DYM: variants seen among roughly 807,000 people sequenced by gnomAD.
The protein encoded by DYM is dyggve-Melchior-Clausen syndrome protein.
DYM carries 78 observed loss-of-function variants against 93.1 expected under a neutral mutation model. The ratio of observed to expected loss-of-function variants is 0.84; its 90% CI spans 0.70 to 1.01. DYM has a LOEUF of 1.01. Ranked by LOEUF, DYM falls within the 50% of genes least tolerant of loss-of-function variation. The pLI is 0.00. For synonymous variants in DYM, 321 were observed against 319.7 expected (o/e 1.00, Z -0.04); for missense variants, 789 against 845.0 (o/e 0.93, Z 0.82).
intron 6 of DYM, among the ~76,000 whole-genome samples, chr18:49,334,123 T>A (rs1212626515): frequency 1.3e-5 from 2 of 152,246 alleles, no homozygotes; most frequent in Non-Finnish European, 2.9e-5. Flanking sequence ...TATTTATGTA[T>A]AATGGAAATA....
Position 49,257,566 on chromosome 18 carries a change from G to A in DYM, c.1366-462C>T, listed in dbSNP as rs530376207. On this transcript the variant is annotated intron_variant, in intron 12 of 17. Coordinates refer to ENST00000675505, the MANE Select transcript of DYM (RefSeq NM_001353214.3). ...ATAACTGAAAATGGGCTGGGAGTAG[G>A]GGCTCACGCCTGTAATCCCAACACT... is the stretch of plus-strand genomic sequence containing the variant. 2.8e-3 allele frequency among the ~76,000 whole-genome samples: 426 copies of A among 152,204 alleles called. 1 individual carries two copies. The highest frequency in any genetic ancestry group is 5.1e-3 in the Admixed American group (78 of 15,286).
At position 49,423,187 on chromosome 18, in the gene DYM, A is replaced by T. The variant is rs552584070; in HGVS notation, c.140+7068T>A. Among the ~76,000 whole-genome samples, 7 of 152,338 alleles carry T rather than the reference A, an allele frequency of 4.6e-5. No individual in the cohort carries two copies. In the South Asian group the frequency reaches 1.5e-3, roughly 32 times the overall value. ...AATGTAAAAGAACAGAAATTATAAC[A>T]AACTGTCTCTCAGACCACAGTGCAA... is the stretch of plus-strand genomic sequence containing the variant. On this transcript the variant is annotated intron_variant, in intron 2 of 17. Transcript: ENST00000675505.
intron 5 of DYM, among the ~76,000 whole-genome samples, chr18:49,373,000 C>T (rs2067186737): frequency 6.6e-6 from 1 of 152,076 alleles, no homozygotes; most frequent in African/African-American, 2.4e-5. Context: ...AAAAACCTTG[C>T]TTCTCAAGCT....
At chr18:49,072,609 G>C (rs1568373728) in intron 17 of DYM, among the ~76,000 whole-genome samples, 1 of 152,234 alleles carries the variant, frequency 6.6e-6, no homozygotes, top group Non-Finnish European at 1.5e-5. Context: ...GTTTGGCAAC[G>C]TGAGAAACCC....
chr18:49,233,472 T>C (rs2093771071), intron 13 of DYM, among the ~76,000 whole-genome samples: 1 of 152,176 alleles, frequency 6.6e-6, no homozygotes, highest in Admixed American at 6.5e-5. Context: ...TATAAAATCT[T>C]TGTGTTCAGA....
intron 13 of DYM, among the ~76,000 whole-genome samples, chr18:49,229,722 T>C (rs1428470650): frequency 6.6e-6 from 1 of 152,124 alleles, no homozygotes; most frequent in Non-Finnish European, 1.5e-5. Context: ...TCTTATAAAG[T>C]TAAACATACA....
rs964864593 is a variant in DYM, at chr18:49,389,630, G to A, written c.193+1963C>T. On this transcript the variant is annotated intron_variant, in intron 3 of 17. Transcript: ENST00000675505. ...TCCTACCTCAATCTCGCAAGCAGCT[G>A]AGACTACAGGCACATGCCACCATGC... Among the ~76,000 whole-genome samples the A allele has an allele frequency of 2.0e-5, 3 of 152,116 alleles. 1 individual carries two copies. The highest frequency in any genetic ancestry group is 7.2e-5 in the African/African-American group (3 of 41,408).
rs192416244 is a variant in DYM, at chr18:49,194,526, T to A, written c.1625+15025A>T. On this transcript the variant is annotated intron_variant, in intron 14 of 17. Coordinates refer to ENST00000675505, the MANE Select transcript of DYM (RefSeq NM_001353214.3). The stretch of plus-strand genomic sequence containing the variant: ...TCCATATGCCAAAATTCTCATGACA[T>A]CCTTCTTACAGATTAAAAATCCAGT... Among the ~76,000 whole-genome samples, 8 of 152,344 alleles carry A rather than the reference T, an allele frequency of 5.3e-5. No homozygotes were observed. The East Asian group carries it at 1.5e-3, about 29-fold the overall frequency.
chr18:49,299,836 G>C (rs1269887929), intron 8 of DYM, among the ~76,000 whole-genome samples: 1 of 151,808 alleles, frequency 6.6e-6, no homozygotes, highest in Non-Finnish European at 1.5e-5. Flanking sequence ...GAGGTCAGGA[G>C]ATCAACACCA....
In DYM at chr18:49,172,714, G is replaced by A. The variant is rs542403219; in HGVS notation, c.1626-8927C>T. ...TCTATGGCCTGTGGGTGGTGGTAGT[G>A]GGGCAGTTTGTCTTTTTCATTTTCT... On this transcript the variant is annotated intron_variant, in intron 14 of 17. Coordinates refer to ENST00000675505, the MANE Select transcript of DYM (RefSeq NM_001353214.3). 2.0e-4 allele frequency among the ~76,000 whole-genome samples: 30 copies of A among 152,046 alleles called. 2 individuals are homozygous for A. In the South Asian group the frequency reaches 6.0e-3, roughly 31 times the overall value.
chr18:49,353,635 T>C (rs2065305179), intron 6 of DYM, among the ~76,000 whole-genome samples: 1 of 151,874 alleles, frequency 6.6e-6, no homozygotes, highest in African/African-American at 2.4e-5. Context: ...TGAGCAGACG[T>C]CAATAAATAA....
At chr18:49,227,875 G>A (rs991327317) in intron 13 of DYM, among the ~76,000 whole-genome samples, 19 of 152,072 alleles carry the variant, frequency 1.2e-4, no homozygotes, top group African/African-American at 4.3e-4. Context: ...CTGACTATCT[G>A]GAGATACTTC....
At chr18:49,215,403 G>A (rs1037557925) in intron 13 of DYM, among the ~76,000 whole-genome samples, 1 of 152,160 alleles carries the variant, frequency 6.6e-6, no homozygotes, top group Admixed American at 6.5e-5. Context: ...AATTGCTGGT[G>A]CATGGTGAGA....
chr18:49,237,128 G>A (rs1312568747), intron 13 of DYM, among the ~76,000 whole-genome samples: 3 of 152,042 alleles, frequency 2.0e-5, no homozygotes, highest in African/African-American at 7.2e-5. Flanking sequence ...CTAAAGGACT[G>A]TACACACTGA....
intron 14 of DYM, among the ~76,000 whole-genome samples, chr18:49,170,198 A>G (rs1379691078): frequency 2.0e-5 from 3 of 152,178 alleles, no homozygotes; most frequent in African/African-American, 7.2e-5. Context: ...TAAATAGATG[A>G]TGGAATTGAA....
chr18:49,296,320 C>T (rs892566437), intron 8 of DYM, among the ~76,000 whole-genome samples: 8 of 152,180 alleles, frequency 5.3e-5, no homozygotes, highest in African/African-American at 1.9e-4. Flanking sequence ...AGGGTCCTGA[C>T]CAATCTATAC....
chr18:49,247,193 C>A (rs2094190937), intron 13 of DYM, among the ~76,000 whole-genome samples: 1 of 152,158 alleles, frequency 6.6e-6, no homozygotes, highest in South Asian at 2.1e-4. Context: ...GGTTCCGCTC[C>A]TGTATTGCAA....
At chr18:49,233,164 C>A (rs2093760487) in intron 13 of DYM, among the ~76,000 whole-genome samples, 1 of 151,708 alleles carries the variant, frequency 6.6e-6, no homozygotes. Flanking sequence ...GAGTTGAGAC[C>A]AGCCTGGCCA....
chr18:49,420,370 C>T (rs1785453426), intron 2 of DYM, among the ~76,000 whole-genome samples: 1 of 151,864 alleles, frequency 6.6e-6, no homozygotes, highest in East Asian at 1.9e-4. Flanking sequence ...GGTTTCACCA[C>T]GTTGACCAGG....
Sources: gnomAD v4.1 joint callset for allele counts (sites outside exome capture counted in the v4.1 genomes callset) on GRCh38, gnomAD v4.1.1 for gene constraint, MANE v1.5 for transcripts, NCBI Gene and HGNC (gene_info 2026-07-23, HGNC 2026-07-21) for gene names.